TRIP11: variants seen among roughly 807,000 people sequenced by gnomAD.
The protein encoded by TRIP11 is thyroid hormone receptor interactor 11.
A neutral mutation model predicts 223.1 loss-of-function variants in TRIP11; 148 were observed. The observed-to-expected ratio is 0.66, with a 90% confidence interval of 0.58 to 0.76. The LOEUF is 0.76. TRIP11 is among the 30% of genes least tolerant of loss of function. The pLI is 0.00. For missense variants in TRIP11, 2,043 were observed against 2,222.0 expected (o/e 0.92, Z 1.62); for synonymous variants, 762 against 772.6 (o/e 0.99, Z 0.23).
At chr14:92,020,221 C>T (rs2057093215) in intron 4 of TRIP11, among the ~76,000 whole-genome samples, 1 of 151,160 alleles carries the variant, frequency 6.6e-6, no homozygotes, top group Non-Finnish European at 1.5e-5. Flanking sequence ...CACTGCACTC[C>T]AGTTTGGGCA....
In TRIP11 at chr14:92,004,780, A is replaced by C; in HGVS notation, c.3196T>G (p.Leu1066Val). The change falls in exon 11 of 21, where the codon TTG becomes GTG. Residue 1066 changes from leucine (L) to valine (V), a missense_variant. Coordinates refer to ENST00000267622, the MANE Select transcript of TRIP11 (RefSeq NM_004239.4). ...KLTQIIQQKDLEIQALHARIS... is the reference protein window; with the variant it reads ...KLTQIIQQKDVEIQALHARIS... ...CTAGCATGAAGAGCTTGTATCTCCA[A>C]ATCTTTCTGCTGAATAATCTGAGTT... 2 of 1,614,128 alleles carry C rather than the reference A, an allele frequency of 1.2e-6. No homozygotes were observed. The highest frequency in any genetic ancestry group is 1.7e-6 in the Non-Finnish European group (2 of 1,180,022).
At chr14:92,027,807 A>C (rs2057208636) in intron 2 of TRIP11, among the ~76,000 whole-genome samples, 1 of 152,212 alleles carries the variant, frequency 6.6e-6, no homozygotes, top group African/African-American at 2.4e-5. Flanking sequence ...GATTCTAGGA[A>C]CTTCTGATGT....
Position 92,006,419 on chromosome 14 carries a change from T to G in TRIP11, c.1557A>C (p.Ser519=), listed in dbSNP as rs754976008. 1 of 1,613,072 alleles carries G rather than the reference T, an allele frequency of 6.2e-7. No homozygotes were observed. Reference sequence around the variant, plus strand: ...TGCTATCTCCTTCATTTTGTTGTTTTGATAGCTGATCTTTTATCAAAATCA... The same window carrying G: ...TGCTATCTCCTTCATTTTGTTGTTTGGATAGCTGATCTTTTATCAAAATCA... ...KHMILIKDQL[S]KQQNEGDSII... is the part of the protein sequence containing the mutation. Residue 519 remains serine (S), a synonymous_variant, in exon 11 of 21, where the codon TCA becomes TCC. Transcript: ENST00000267622.
At chr14:92,033,564 G>A (rs546479919) in intron 1 of TRIP11, among the ~76,000 whole-genome samples, 4 of 152,210 alleles carry the variant, frequency 2.6e-5, no homozygotes, top group East Asian at 1.9e-4. Flanking sequence ...TTCTCTGTGG[G>A]CTAATGCTGC....
At position 91,999,320 on chromosome 14, in the gene TRIP11, A is replaced by G. The variant is rs17127837; in HGVS notation, c.4812T>C (p.Asp1604=). 6,903 of 1,613,904 alleles carry G rather than the reference A, an allele frequency of 4.3e-3. 261 individuals are homozygous for G. The African/African-American group carries it at 0.079, about 19-fold the overall frequency. ...CTTTCTTTCTTAGTTTAGCCTCTCT[A>G]TCTTCTGCAGCCAAAGCTTCACGGG... ...SYTREALAAE[D]REAKLRKKVT... Residue 1604 remains aspartate (D), a synonymous_variant, in exon 13 of 21, where the codon GAT becomes GAC. Transcript: ENST00000267622.
At chr14:92,009,620 T>G (rs753070089) in intron 9 of TRIP11, among the ~76,000 whole-genome samples, 46 of 152,270 alleles carry the variant, frequency 3.0e-4, no homozygotes, top group South Asian at 8.3e-4. Flanking sequence ...GAGATACTGC[T>G]GGCACATAGT....
chr14:92,021,270 T>G (rs1222371964), intron 4 of TRIP11, among the ~76,000 whole-genome samples: 2 of 150,298 alleles, frequency 1.3e-5, no homozygotes, highest in African/African-American at 4.9e-5. Context: ...GTGCCTATAA[T>G]CCCAGCTACT....
rs1333100912 is a variant in TRIP11, at chr14:92,039,862, G to A, written c.-177C>T. On this transcript the variant is annotated 5_prime_UTR_variant, in exon 1 of 21. Coordinates refer to ENST00000267622, the MANE Select transcript of TRIP11 (RefSeq NM_004239.4). ...GTTCTGCCTAGAAACGCAGAGGCCT[G>A]GCCTGGAATTTTACCAGGGGCCCGC... 1.5e-6 allele frequency: 2 copies of A among 1,363,686 alleles called. No individual in the cohort carries two copies. Among genetic ancestry groups the A allele is most frequent in the East Asian group, 2.5e-5 (1 of 39,714 alleles). 84.5% of individuals were successfully genotyped at this position (1,363,686 alleles called of 1,614,324 possible).
intron 14 of TRIP11, among the ~76,000 whole-genome samples, chr14:91,994,114 A>G (rs1249481499): frequency 2.0e-5 from 3 of 152,098 alleles, no homozygotes; most frequent in East Asian, 1.9e-4. Context: ...CATCTTGTCT[A>G]TCTTGCAGAT....
intron 13 of TRIP11, among the ~76,000 whole-genome samples, chr14:91,995,809 T>C (rs1391217583): frequency 1.3e-5 from 2 of 151,946 alleles, no homozygotes; most frequent in Non-Finnish European, 2.9e-5. Context: ...AAAGATGGTG[T>C]TTTACCATGT....
chr14:91,991,701 T>C (rs986151892), intron 15 of TRIP11, among the ~76,000 whole-genome samples: 4 of 152,162 alleles, frequency 2.6e-5, no homozygotes, highest in African/African-American at 9.7e-5. Context: ...ATGCAATGCA[T>C]ACAGAAGTGA....
chr14:92,010,348 T>C lies in TRIP11; in HGVS notation c.1314+638A>G, dbSNP rs142181245. Among the ~76,000 whole-genome samples, 1,332 of 152,188 alleles carry C rather than the reference T, an allele frequency of 8.8e-3. 18 individuals are homozygous for C. The highest frequency in any genetic ancestry group is 0.026 in the African/African-American group (1,096 of 41,506). ...GAGTTTGAGACCACCCTGACCAACATGGAGAAACCCCGTCTCCACTAAAAA... is the reference window on the plus strand; with the variant it reads ...GAGTTTGAGACCACCCTGACCAACACGGAGAAACCCCGTCTCCACTAAAAA... On this transcript the variant is annotated intron_variant, in intron 9 of 20. Transcript: ENST00000267622.
chr14:91,999,833 A>C (rs1270010193), intron 12 of TRIP11, 135 bp downstream of exon 12: 1 of 1,148,534 alleles, frequency 8.7e-7, no homozygotes, highest in Non-Finnish European at 1.2e-6. Context: ...TTAAAATTTT[A>C]CTACTGCACA....
rs1208155838 is a variant in TRIP11, at chr14:91,966,701, AAATCAAAAATGAC to A, written c.*2959_*2971del. On this transcript the variant is annotated 3_prime_UTR_variant, in exon 21 of 21. Coordinates refer to ENST00000267622, the MANE Select transcript of TRIP11 (RefSeq NM_004239.4). ...TGTTTAGTTTTGTTTCATTTTTTAA[AAATCAAAAATGAC>A]AGGAATGAAAATTCAAACAATTTGA... 47 of 213,530 alleles carry A rather than the reference AAATCAAAAATGAC, an allele frequency of 2.2e-4. 1 individual carries two copies. Among genetic ancestry groups the A allele is most frequent in the Non-Finnish European group, 4.0e-4 (42 of 105,644 alleles). 13.2% of individuals were successfully genotyped at this position (213,530 alleles called of 1,614,324 possible). A position where few individuals can be genotyped will look rare whatever the true frequency, so the allele number is the denominator to read the frequency against.
chr14:92,036,995 G>A (rs562948061), intron 1 of TRIP11, among the ~76,000 whole-genome samples: 2 of 152,094 alleles, frequency 1.3e-5, no homozygotes, highest in Non-Finnish European at 2.9e-5. Context: ...CTCCCAAAAT[G>A]CTGAGATTAC....
intron 4 of TRIP11, among the ~76,000 whole-genome samples, chr14:92,021,312 C>G (rs1411001396): frequency 6.6e-6 from 1 of 151,234 alleles, no homozygotes; most frequent in African/African-American, 2.4e-5. Flanking sequence ...TCACTGGAAC[C>G]CAGGAGGCCG....
At chr14:92,029,537 G>A (rs7140829) in intron 2 of TRIP11, among the ~76,000 whole-genome samples, 2,401 of 151,846 alleles carry the variant, frequency 0.016, 44 homozygotes, top group African/African-American at 0.045. Context: ...CTCATGATCC[G>A]CCCACTTCAG....
At chr14:92,025,099 T>C (rs1470973030) in intron 3 of TRIP11, among the ~76,000 whole-genome samples, 1 of 152,168 alleles carries the variant, frequency 6.6e-6, no homozygotes, top group African/African-American at 2.4e-5. Flanking sequence ...TTCACACAGG[T>C]TGGTTTATAT....
rs538699862 is a variant in TRIP11 at position 92,008,512 on chromosome 14, G to A, written c.1315-660C>T. On this transcript the variant is annotated intron_variant, in intron 9 of 20. Transcript: ENST00000267622. ...CTCTGTCACACCTGACATTCCTAAA[G>A]ATAGTATATATACATTTTATAGTCT... 2.6e-5 allele frequency among the ~76,000 whole-genome samples: 4 copies of A among 152,152 alleles called. 1 individual carries two copies. In the East Asian group the frequency reaches 7.7e-4, roughly 29 times the overall value.
Sources: allele counts gnomAD v4.1 joint callset (sites outside exome capture counted in the v4.1 genomes callset), GRCh38; gene constraint gnomAD v4.1.1; transcripts MANE v1.5; gene names NCBI Gene and HGNC (gene_info 2026-07-23, HGNC 2026-07-21).